C2orf42: variants seen among roughly 807,000 people sequenced by gnomAD.
C2orf42 encodes chromosome 2 open reading frame 42.
Under a neutral mutation model 58.9 loss-of-function variants are expected in C2orf42, and 44 were observed. The ratio of observed to expected loss-of-function variants is 0.75; its 90% CI spans 0.59 to 0.96. C2orf42 has a LOEUF of 0.96. Among genes scored for constraint, C2orf42 ranks in the 40% least tolerant of loss-of-function variants. The pLI, the probability that C2orf42 is intolerant of heterozygous loss-of-function variation, is 0.00. For missense variants in C2orf42, 630 were observed against 699.2 expected (o/e 0.90, Z 1.12); for synonymous variants, 239 against 265.4 (o/e 0.90, Z 0.97).
intron 9 of C2orf42, among the ~76,000 whole-genome samples, chr2:70,154,990 T>G (rs763923531): frequency 1.3e-5 from 2 of 152,078 alleles, no homozygotes; most frequent in Non-Finnish European, 2.9e-5. Flanking sequence ...CTCACGCCTG[T>G]AATCCAGCAC....
Position 70,179,684 on chromosome 2 carries a change from G to T in C2orf42, c.824-42C>A, listed in dbSNP as rs769438679. 4 of 849,300 alleles carry T rather than the reference G, an allele frequency of 4.7e-6. No individual in the cohort carries two copies. The African/African-American group carries it at 5.0e-5, about 11-fold the overall frequency. 52.6% of individuals were successfully genotyped at this position (849,300 alleles called of 1,614,324 possible). ...TTCTGAATTATTAATCCTATCCAAG[G>T]GTAAGTATAAGTATAGGCCTCTATG... On this transcript the variant is annotated intron_variant, in intron 3 of 9. Coordinates refer to ENST00000264434, the MANE Select transcript of C2orf42 (RefSeq NM_017880.3).
chr2:70,181,042 C>T, intron 3 of C2orf42, 121 bp downstream of exon 3: 2 of 306,488 alleles, frequency 6.5e-6, no homozygotes, highest in Non-Finnish European at 1.2e-5. Context: ...GAACACTTTT[C>T]ATTTGAATTA....
At position 70,160,682 on chromosome 2, in the gene C2orf42, G is replaced by A. The variant is rs146789788; in HGVS notation, c.1459C>T (p.Arg487Cys). 14 of 1,612,432 alleles carry A rather than the reference G, an allele frequency of 8.7e-6. No individual in the cohort carries two copies. The highest frequency in any genetic ancestry group is 4.4e-5 in the South Asian group (4 of 90,846). ...CGCAGCACTGGTTGTTTTTCTATACGACCGTAGGTTTCTGCTATGCTTTCT... is the reference window on the plus strand; with the variant it reads ...CGCAGCACTGGTTGTTTTTCTATACAACCGTAGGTTTCTGCTATGCTTTCT... ...EVESIAETYG[R>C]IEKQPVLRPL... The change falls in exon 9 of 10, where the codon CGT becomes TGT. Residue 487 changes from arginine (R) to cysteine (C), a missense_variant. Transcript: ENST00000264434.
intron 9 of C2orf42, among the ~76,000 whole-genome samples, chr2:70,157,964 G>A (rs1251684069): frequency 6.6e-6 from 1 of 152,100 alleles, no homozygotes; most frequent in Non-Finnish European, 1.5e-5. Context: ...ACTTTGGGAG[G>A]CCGAGGTGGG....
intron 1 of C2orf42, chr2:70,190,492 G>T (rs1369609705): frequency 6.6e-6 from 1 of 152,216 alleles, no homozygotes; most frequent in African/African-American, 2.4e-5. Flanking sequence ...TAGAGATGAG[G>T]AAACTGTTAC....
rs560270102 is a variant in C2orf42 at position 70,169,730 on chromosome 2, A to C, written c.1040-69T>G. ...TTCTTACAAAATAAACAGCTAATTG[A>C]AGTTTGAAAAAGTTAACAAGTTTTT... On this transcript the variant is annotated intron_variant, in intron 5 of 9. Transcript: ENST00000264434. The C allele has an allele frequency of 4.0e-6, 3 of 744,436 alleles. No individual in the cohort carries two copies. The African/African-American group carries it at 5.3e-5, about 13-fold the overall frequency. 46.1% of individuals were successfully genotyped at this position (744,436 alleles called of 1,614,324 possible). A position where few individuals can be genotyped will look rare whatever the true frequency, so the allele number is the denominator to read the frequency against.
In C2orf42 at chr2:70,169,677, C is replaced by T. The variant is rs755398826; in HGVS notation, c.1040-16G>A. 1.7e-6 allele frequency: 2 copies of T among 1,179,252 alleles called. No individual in the cohort carries two copies. The highest frequency in any genetic ancestry group is 1.5e-5 in the African/African-American group (1 of 66,598). The allele number at this position is 1,179,252 out of a possible 1,614,324, so 73.0% of individuals were successfully genotyped here. A position where few individuals can be genotyped will look rare whatever the true frequency, so the allele number is the denominator to read the frequency against. ...TGACCACAGGCTAGGGAAAAAAAAA[C>T]CACACATACACACTTCTTTAGTAAC... On this transcript the variant is annotated splice_polypyrimidine_tract_variant and intron_variant, in intron 5 of 9. Coordinates refer to ENST00000264434, the MANE Select transcript of C2orf42 (RefSeq NM_017880.3).
chr2:70,175,598 CA>C, intron 5 of C2orf42, 74 bp downstream of exon 5: 1 of 870,260 alleles, frequency 1.1e-6, no homozygotes, highest in Non-Finnish European at 2.0e-6. Flanking sequence ...TGACAATGTG[CA>C]TGATTATACT....
chr2:70,162,970 C>T (rs979581027), intron 8 of C2orf42, among the ~76,000 whole-genome samples: 3 of 151,716 alleles, frequency 2.0e-5, no homozygotes, highest in South Asian at 2.1e-4. Context: ...CGGGTTCAAG[C>T]GATTCTCCTG....
intron 6 of C2orf42, among the ~76,000 whole-genome samples, chr2:70,168,977 A>C (rs1479077645): frequency 6.6e-6 from 1 of 152,140 alleles, no homozygotes; most frequent in Admixed American, 6.6e-5. Context: ...GGCCTCCCAA[A>C]GTGTCGGATT....
At chr2:70,151,495 G>A (rs1366994968) in intron 9 of C2orf42, among the ~76,000 whole-genome samples, 1 of 151,888 alleles carries the variant, frequency 6.6e-6, no homozygotes, top group Non-Finnish European at 1.5e-5. Flanking sequence ...TTATCCAGGT[G>A]TGGTAGCATG....
rs1335869615 is a variant in C2orf42 at position 70,162,642 on chromosome 2, C to G, written c.1354-1855G>C. On this transcript the variant is annotated intron_variant, in intron 8 of 9. Transcript: ENST00000264434. Reference sequence around the variant, plus strand: ...TAGACAACAGAGTGAGACTCTGTCTCAAACAAAAAAAAAATAGTAGGGGCC... The same window carrying G: ...TAGACAACAGAGTGAGACTCTGTCTGAAACAAAAAAAAAATAGTAGGGGCC... Among the ~76,000 whole-genome samples, 3 of 151,132 alleles carry G rather than the reference C, an allele frequency of 2.0e-5. No individual in the cohort carries two copies. In the East Asian group the frequency reaches 5.8e-4, roughly 29 times the overall value.
chr2:70,182,031 T>C lies in C2orf42; in HGVS notation c.-12-34A>G, dbSNP rs981784436. ...GACAATACATCCAACAGTATGAGTA[T>C]ACCTTCACACACAAAAAGTTAAAAT... On this transcript the variant is annotated intron_variant, in intron 2 of 9. Transcript: ENST00000264434. The C allele has an allele frequency of 1.7e-5, 16 of 941,220 alleles. No homozygotes were observed. The African/African-American group carries it at 2.5e-4, about 15-fold the overall frequency. 58.3% of individuals were successfully genotyped at this position (941,220 alleles called of 1,614,324 possible).
intron 8 of C2orf42, among the ~76,000 whole-genome samples, chr2:70,163,776 G>A (rs1333563121): frequency 2.6e-5 from 4 of 151,986 alleles, no homozygotes; most frequent in Non-Finnish European, 1.5e-5. Context: ...CTTGAACCTG[G>A]GAGGTGGAGG....
At chr2:70,155,357 C>G (rs1369182588) in intron 9 of C2orf42, among the ~76,000 whole-genome samples, 1 of 152,180 alleles carries the variant, frequency 6.6e-6, no homozygotes, top group Non-Finnish European at 1.5e-5. Context: ...GATGGGGTCT[C>G]CTTGTGTTGC....
intron 9 of C2orf42, among the ~76,000 whole-genome samples, chr2:70,158,956 G>A (rs2104852949): frequency 7.3e-6 from 1 of 136,128 alleles, no homozygotes; most frequent in African/African-American, 2.8e-5. Flanking sequence ...AGGCTGGAGT[G>A]CATGGAGTGC....
chr2:70,190,603 A>G (rs935530865), intron 1 of C2orf42: 4 of 152,190 alleles, frequency 2.6e-5, no homozygotes, highest in African/African-American at 9.7e-5. Context: ...GATGGAGCAC[A>G]TCAGCCCTCA....
chr2:70,165,629 G>C lies in C2orf42; in HGVS notation c.1151C>G (p.Pro384Arg). Residue 384 changes from proline to arginine, a missense_variant, in exon 7 of 10, where the codon CCA (proline) becomes CGA (arginine). Physicochemically the swap from Pro to Arg is moderately radical, Grantham distance 103. Coordinates refer to ENST00000264434, the MANE Select transcript of C2orf42 (RefSeq NM_017880.3). ...AGGAATGTGGAACACCAATGGTTCTGGTTTGCCTATGGGAAACAAGAAGAA... is the reference window on the plus strand; with the variant it reads ...AGGAATGTGGAACACCAATGGTTCTCGTTTGCCTATGGGAAACAAGAAGAA... Reference protein sequence around the residue: ...QTMHYQFDGKPEPLVFHIPQS... With the variant: ...QTMHYQFDGKREPLVFHIPQS... The C allele has an allele frequency of 6.3e-7, 1 of 1,586,640 alleles. No individual in the cohort carries two copies.
intron 5 of C2orf42, among the ~76,000 whole-genome samples, chr2:70,173,192 A>G (rs1048468965): frequency 4.7e-5 from 7 of 149,482 alleles, no homozygotes; most frequent in Non-Finnish European, 8.9e-5. Context: ...AAAAAAACCT[A>G]TTTGATGCTG....
Sources: gnomAD v4.1 joint callset for allele counts (sites outside exome capture counted in the v4.1 genomes callset) on GRCh38, gnomAD v4.1.1 for gene constraint, MANE v1.5 for transcripts, NCBI Gene and HGNC (gene_info 2026-07-23, HGNC 2026-07-21) for gene names.